Variants in TENM2 observed in about 807,000 individuals in gnomAD.
TENM2 encodes the protein teneurin transmembrane protein 2.
TENM2 carries 52 observed loss-of-function variants against 245.2 expected under a neutral mutation model. The ratio of observed to expected loss-of-function variants is 0.21; its 90% CI spans 0.17 to 0.27. The LOEUF (loss-of-function observed/expected upper bound fraction) is 0.27. TENM2 is among the 10% of genes least tolerant of loss of function. The pLI is 1.00. For missense variants in TENM2, 3,046 were observed against 3,666.8 expected (o/e 0.83, Z 4.37); for synonymous variants, 1,363 against 1,438.9 (o/e 0.95, Z 1.19).
At chr5:168,229,617 T>G (rs1764650516) in intron 25 of TENM2, 1 of 152,154 alleles carries the variant, frequency 6.6e-6, no homozygotes, top group African/African-American at 2.4e-5. Context: ...ATCAAATGCT[T>G]TGGAATCCCT....
intron 2 of TENM2, among the ~76,000 whole-genome samples, chr5:167,751,820 A>G (rs1368813257): frequency 6.6e-6 from 1 of 152,088 alleles, no homozygotes; most frequent in East Asian, 1.9e-4. Context: ...ATGGTTATAT[A>G]TGTAATTCCC....
intron 2 of TENM2, among the ~76,000 whole-genome samples, chr5:167,515,060 A>G (rs1770230753): frequency 6.6e-6 from 1 of 152,176 alleles, no homozygotes; most frequent in Non-Finnish European, 1.5e-5. Context: ...ATGTATGGAA[A>G]GGAAACCTGA....
At chr5:167,020,612 C>G in the TENM2 span, among the ~76,000 whole-genome samples, 10 of 152,182 alleles carry the variant, frequency 6.6e-5, no homozygotes, top group Non-Finnish European at 1.3e-4. Flanking sequence ...AAAGCCTTCT[C>G]TGTGCAACTG....
intron 13 of TENM2, among the ~76,000 whole-genome samples, chr5:168,179,729 G>A (rs1759687819): frequency 6.6e-6 from 1 of 152,084 alleles, no homozygotes; most frequent in Admixed American, 6.5e-5. Flanking sequence ...TTAAAAACAG[G>A]GTGACCATAG....
chr5:168,182,542 G>C (rs1760005337), intron 13 of TENM2, among the ~76,000 whole-genome samples: 1 of 152,166 alleles, frequency 6.6e-6, no homozygotes, highest in Non-Finnish European at 1.5e-5. Context: ...TAATAGACCA[G>C]GTTTTAAAGC....
At position 167,683,671 on chromosome 5, in the gene TENM2, G is replaced by T. The variant is rs536828764; in HGVS notation, c.503-192315G>T. The stretch of plus-strand genomic sequence containing the variant: ...TCAGACCTGAAATTTATGTTTCTCT[G>T]AAAGGGGCACCTGACATTATAATGA... On this transcript the variant is annotated intron_variant, in intron 2 of 28. Coordinates refer to ENST00000518659, the Ensembl canonical transcript of TENM2. 1.7e-3 allele frequency among the ~76,000 whole-genome samples: 265 copies of T among 152,244 alleles called. 3 individuals carry two copies. Among genetic ancestry groups the T allele is most frequent in the African/African-American group, 6.3e-3 (262 of 41,548 alleles).
chr5:167,451,258 T>A (rs960584481), intron 2 of TENM2, among the ~76,000 whole-genome samples: 2 of 151,970 alleles, frequency 1.3e-5, no homozygotes, highest in Admixed American at 1.3e-4. Flanking sequence ...GACTCCGCCA[T>A]GAGATTACTC....
chr5:168,253,613 G>A (rs113693193), intron 27 of TENM2, among the ~76,000 whole-genome samples: 2 of 151,826 alleles, frequency 1.3e-5, no homozygotes, highest in Admixed American at 6.6e-5. Flanking sequence ...TTTTAGTAGA[G>A]ACGGGGTTTC....
intron 4 of TENM2, among the ~76,000 whole-genome samples, chr5:167,953,624 A>G (rs1007861859): frequency 2.0e-5 from 3 of 152,198 alleles, no homozygotes; most frequent in Non-Finnish European, 2.9e-5. Context: ...CCCCAGGCAC[A>G]TTCTTGGTTT....
At chr5:167,690,969 G>GTGTA (rs1554101365) in intron 2 of TENM2, among the ~76,000 whole-genome samples, 3 of 141,316 alleles carry the variant, frequency 2.1e-5, no homozygotes, top group Admixed American at 7.0e-5. Flanking sequence ...GTGTGTGTGT[G>GTGTA]TAGAGAGAGA....
chr5:167,293,362 C>T (rs1471277228), intron 1 of TENM2, among the ~76,000 whole-genome samples: 5 of 146,730 alleles, frequency 3.4e-5, no homozygotes, highest in East Asian at 4.2e-4. Context: ...TCACCATGTC[C>T]GGCTAATTTT....
intron 2 of TENM2, among the ~76,000 whole-genome samples, chr5:167,847,260 A>G (rs1770132481): frequency 6.6e-6 from 1 of 152,032 alleles, no homozygotes; most frequent in Non-Finnish European, 1.5e-5. Flanking sequence ...GCCTCACCCT[A>G]TCTTTATCCC....
At chr5:167,611,109 TA>T (rs1406882927) in intron 2 of TENM2, among the ~76,000 whole-genome samples, 1 of 152,204 alleles carries the variant, frequency 6.6e-6, no homozygotes, top group Non-Finnish European at 1.5e-5. Flanking sequence ...ACCTTCATAA[TA>T]ACCTTCTGAC....
At chr5:167,114,790 T>C in the TENM2 span, among the ~76,000 whole-genome samples, 1 of 152,158 alleles carries the variant, frequency 6.6e-6, no homozygotes, top group Non-Finnish European at 1.5e-5. Flanking sequence ...TTCAGAGAAA[T>C]TGAAGCAATT....
At chr5:167,312,822 A>C (rs1395255495) in intron 1 of TENM2, among the ~76,000 whole-genome samples, 2 of 151,904 alleles carry the variant, frequency 1.3e-5, no homozygotes, top group African/African-American at 4.8e-5. Context: ...CGGAGGGTTC[A>C]GCACATGCCC....
rs990965194 is a variant in TENM2 at position 168,180,668 on chromosome 5, G to T, written c.2570-9669G>T. ...CCCAGCACTTTGGGAGGCCAAGGCGGGTGAATCACCTGAAGTCAGGAGTTC... is the reference window on the plus strand; with the variant it reads ...CCCAGCACTTTGGGAGGCCAAGGCGTGTGAATCACCTGAAGTCAGGAGTTC... On this transcript the variant is annotated intron_variant, in intron 13 of 28. Coordinates refer to ENST00000518659, the Ensembl canonical transcript of TENM2. 2.0e-5 allele frequency among the ~76,000 whole-genome samples: 3 copies of T among 152,178 alleles called. No homozygotes were observed. The South Asian group carries it at 6.2e-4, about 32-fold the overall frequency.
At chr5:167,170,424 G>T in the TENM2 span, among the ~76,000 whole-genome samples, 1 of 152,122 alleles carries the variant, frequency 6.6e-6, no homozygotes, top group South Asian at 2.1e-4. Flanking sequence ...CGTTGTTTTG[G>T]CCAAATTGAG....
chr5:167,893,561 C>T (rs1273500880), intron 3 of TENM2, among the ~76,000 whole-genome samples: 3 of 151,618 alleles, frequency 2.0e-5, no homozygotes, highest in African/African-American at 7.3e-5. Flanking sequence ...GCATATGCTT[C>T]GTTGCTAGTA....
the TENM2 span, among the ~76,000 whole-genome samples, chr5:167,207,049 C>A: frequency 1.3e-5 from 2 of 151,896 alleles, no homozygotes; most frequent in South Asian, 2.1e-4. Flanking sequence ...AAAAAAAAAA[C>A]CCAAGGAAAT....
Sources: allele counts gnomAD v4.1 joint callset (sites outside exome capture counted in the v4.1 genomes callset), GRCh38; gene constraint gnomAD v4.1.1; transcripts MANE v1.5; gene names NCBI Gene and HGNC (gene_info 2026-07-23, HGNC 2026-07-21).